GALNT17: variants seen among roughly 807,000 people sequenced by gnomAD.
The protein encoded by GALNT17 is polypeptide N-acetylgalactosaminyltransferase 17.
In GALNT17, 29 loss-of-function variants were observed where a neutral mutation model predicts 63.7. The observed-to-expected ratio is 0.46, with a 90% confidence interval of 0.34 to 0.62. The LOEUF is 0.62. Among genes scored for constraint, GALNT17 ranks in the 20% least tolerant of loss-of-function variants. The pLI is 0.01. For synonymous variants in GALNT17, 305 were observed against 318.3 expected, an observed-to-expected ratio of 0.96 and a Z score of 0.45; for missense variants, 603 against 799.6, an observed-to-expected ratio of 0.75 and a Z score of 2.97.
chr7:71,534,665 G>A (rs564374147), intron 5 of GALNT17, among the ~76,000 whole-genome samples: 56 of 151,738 alleles, frequency 3.7e-4, no homozygotes, highest in African/African-American at 1.3e-3. Context: ...ACAGCATGGA[G>A]GTAACTGCTC....
intron 6 of GALNT17, among the ~76,000 whole-genome samples, chr7:71,582,605 G>GTA (rs1341983216): frequency 3.3e-5 from 5 of 151,788 alleles, no homozygotes; most frequent in Non-Finnish European, 4.4e-5. Flanking sequence ...AGAATCTGTG[G>GTA]TATATATATA....
intron 8 of GALNT17, among the ~76,000 whole-genome samples, chr7:71,675,913 A>C (rs1181420990): frequency 6.6e-6 from 1 of 152,176 alleles, no homozygotes; most frequent in African/African-American, 2.4e-5. Context: ...GCTTGAACCC[A>C]GGAGGTGGAG....
At chr7:71,485,626 C>T (rs1467255673) in intron 5 of GALNT17, among the ~76,000 whole-genome samples, 1 of 152,180 alleles carries the variant, frequency 6.6e-6, no homozygotes, top group Non-Finnish European at 1.5e-5. Flanking sequence ...TTGAGGATAT[C>T]CACTGTATCT....
At chr7:71,188,918 A>C (rs974925601) in intron 1 of GALNT17, among the ~76,000 whole-genome samples, 2 of 152,184 alleles carry the variant, frequency 1.3e-5, no homozygotes. Context: ...GAGGCAGCCC[A>C]GTTTAAATGT....
At chr7:71,514,100 C>G (rs1250296389) in intron 5 of GALNT17, among the ~76,000 whole-genome samples, 1 of 152,154 alleles carries the variant, frequency 6.6e-6, no homozygotes, top group East Asian at 1.9e-4. Context: ...GAGGCTGAAG[C>G]AGGAGGATTG....
chr7:71,535,068 A>G (rs1788782963), intron 5 of GALNT17, among the ~76,000 whole-genome samples: 1 of 151,956 alleles, frequency 6.6e-6, no homozygotes, highest in Non-Finnish European at 1.5e-5. Flanking sequence ...CTAGTTTTGT[A>G]TTTTCTTTTG....
At chr7:71,431,210 T>TTTC (rs1554370710) in intron 5 of GALNT17, among the ~76,000 whole-genome samples, 1 of 12,654 alleles carries the variant, frequency 7.9e-5, no homozygotes, top group Non-Finnish European at 2.2e-4. Flanking sequence ...TTTTCTTTTC[T>TTTC]TTTTTTTTTT....
intron 1 of GALNT17, among the ~76,000 whole-genome samples, chr7:71,161,273 A>G (rs1364698624): frequency 6.6e-6 from 1 of 152,212 alleles, no homozygotes; most frequent in Non-Finnish European, 1.5e-5. Context: ...ATAGATTACA[A>G]TCACACCCTG....
chr7:71,341,363 GAAGA>G, intron 2 of GALNT17, among the ~76,000 whole-genome samples: 1 of 152,224 alleles, frequency 6.6e-6, no homozygotes, highest in South Asian at 2.1e-4. Flanking sequence ...AGAACAGAGA[GAAGA>G]AAGTCATCAA....
intron 2 of GALNT17, among the ~76,000 whole-genome samples, chr7:71,349,985 G>A (rs73181665): frequency 0.16 from 23,592 of 152,182 alleles, 2,103 homozygotes; most frequent in South Asian, 0.29. Flanking sequence ...TGGGCTGTGC[G>A]GTACTAGAAA....
intron 2 of GALNT17, among the ~76,000 whole-genome samples, chr7:71,377,157 G>A (rs1310304778): frequency 1.6e-5 from 2 of 124,572 alleles, no homozygotes; most frequent in Non-Finnish European, 3.2e-5. Context: ...TCCTTCTGAT[G>A]ATAAAGGGTT....
intron 6 of GALNT17, among the ~76,000 whole-genome samples, chr7:71,591,611 C>T (rs565162162): frequency 2.6e-5 from 4 of 152,298 alleles, no homozygotes; most frequent in African/African-American, 9.6e-5. Flanking sequence ...TCTTTTGGCT[C>T]ATTGGAAATG....
rs1229625944 is a variant in GALNT17 at position 71,301,550 on chromosome 7, TTCTG to T, written c.239-33996_239-33993del. On this transcript the variant is annotated intron_variant, in intron 1 of 10. Transcript: ENST00000333538. ...TTGCTGTTAGTCTTGTAGTCCTTTT[TTCTG>T]TCTTTCAACTGATGTATAATTTCAG... Among the ~76,000 whole-genome samples, 4 of 151,964 alleles carry T rather than the reference TTCTG, an allele frequency of 2.6e-5. No homozygotes were observed. The South Asian group carries it at 6.2e-4, about 24-fold the overall frequency.
intron 6 of GALNT17, among the ~76,000 whole-genome samples, chr7:71,607,370 A>G (rs1036788049): frequency 1.3e-5 from 2 of 152,228 alleles, no homozygotes; most frequent in African/African-American, 4.8e-5. Context: ...GCCTGTGAGA[A>G]CATTTTGTAA....
At chr7:71,582,953 A>G (rs184938707) in intron 6 of GALNT17, among the ~76,000 whole-genome samples, 56 of 152,324 alleles carry the variant, frequency 3.7e-4, no homozygotes, top group African/African-American at 1.3e-3. Flanking sequence ...CCGTTCCCCA[A>G]TAACCTATGG....
chr7:71,264,232 G>A (rs774010484), intron 1 of GALNT17, among the ~76,000 whole-genome samples: 6 of 152,134 alleles, frequency 3.9e-5, no homozygotes, highest in Non-Finnish European at 7.3e-5. Flanking sequence ...TGAGCATGCC[G>A]CACATGCTTT....
At chr7:71,305,596 T>G (rs1791275955) in intron 1 of GALNT17, among the ~76,000 whole-genome samples, 1 of 152,106 alleles carries the variant, frequency 6.6e-6, no homozygotes, top group Admixed American at 6.6e-5. Flanking sequence ...CTCCCCAGAC[T>G]GTGAGTTTGG....
chr7:71,544,736 A>G (rs1056137716), intron 5 of GALNT17, among the ~76,000 whole-genome samples: 1 of 152,172 alleles, frequency 6.6e-6, no homozygotes, highest in African/African-American at 2.4e-5. Context: ...TCCATCAAGA[A>G]GGGATGCAGT....
intron 2 of GALNT17, among the ~76,000 whole-genome samples, chr7:71,354,949 C>G (rs1792258076): frequency 6.6e-6 from 1 of 152,250 alleles, no homozygotes; most frequent in South Asian, 2.1e-4. Flanking sequence ...AGGAAATTAT[C>G]CATTACATCT....
Sources: allele counts gnomAD v4.1 joint callset (sites outside exome capture counted in the v4.1 genomes callset), GRCh38; gene constraint gnomAD v4.1.1; transcripts MANE v1.5; gene names NCBI Gene and HGNC (gene_info 2026-07-23, HGNC 2026-07-21).